Variants in NHS observed in about 807,000 individuals in gnomAD.
NHS encodes the protein actin remodeling regulator NHS.
In NHS, 5 loss-of-function variants were observed where a neutral mutation model predicts 72.5. That is an observed-to-expected ratio of 0.07 (90% CI 0.04 to 0.14). The LOEUF (loss-of-function observed/expected upper bound fraction) is 0.14. Among genes scored for constraint, NHS ranks in the 10% least tolerant of loss-of-function variants. The probability of loss-of-function intolerance (pLI) is 1.00; values close to 1 mark genes in which losing one functional copy is unlikely to be tolerated. For missense variants in NHS, 1,072 were observed against 1,355.7 expected (o/e 0.79, Z 3.29); for synonymous variants, 464 against 547.7 (o/e 0.85, Z 2.13).
chrX:17,446,653 G>T (rs1199656376), intron 1 of NHS, among the ~76,000 whole-genome samples: 2 of 98,636 alleles, frequency 2.0e-5, no homozygotes, highest in East Asian at 6.0e-4. Flanking sequence ...CAGCCTTTTT[G>T]CCCAAAAAAA....
intron 1 of NHS, among the ~76,000 whole-genome samples, chrX:17,527,298 G>A (rs2065177732): frequency 8.8e-6 from 1 of 113,272 alleles, no homozygotes; most frequent in African/African-American, 3.2e-5. Flanking sequence ...GATAAAGGTG[G>A]CACATAGCTT....
chrX:17,405,543 T>C (rs2064525267), intron 1 of NHS, among the ~76,000 whole-genome samples: 1 of 112,341 alleles, frequency 8.9e-6, no homozygotes, highest in African/African-American at 3.2e-5. Context: ...CGGATAATGA[T>C]AGAGAGAAGA....
Position 17,725,966 on chromosome X carries a change from C to A in NHS, c.1860C>A (p.His620Gln), listed in dbSNP as rs760355561. 8.3e-7 allele frequency: 1 copy of A among 1,211,834 alleles called. No homozygotes were observed. The highest frequency in any genetic ancestry group is 2.2e-5 in the Admixed American group (1 of 46,055). ...CGGCTGGCGTCCTCCTTAGCAGCCA[C>A]ATGGACCAGAAAGATGACCACCAGT... is the stretch of plus-strand genomic sequence containing the variant. ...ISTAGVLLSS[H>Q]MDQKDDHQSS... is the part of the protein sequence containing the mutation. Residue 620 changes from histidine to glutamine, a missense_variant, in exon 7 of 9, where the codon CAC becomes CAA. By Grantham distance (24) the His-to-Gln change is conservative. Coordinates refer to ENST00000676302, the MANE Select transcript of NHS (RefSeq NM_001291867.2).
At chrX:17,400,384 G>A (rs1199635939) in intron 1 of NHS, among the ~76,000 whole-genome samples, 1 of 111,337 alleles carries the variant, frequency 9.0e-6, no homozygotes, top group East Asian at 2.8e-4. Flanking sequence ...TCAGGATTTC[G>A]AGACCAGCCT....
intron 5 of NHS, 65 bp from the exon 6 acceptor site, chrX:17,724,234 G>A (rs2066427392): frequency 1.7e-6 from 2 of 1,192,243 alleles, no homozygotes; most frequent in African/African-American, 1.7e-5. Flanking sequence ...ATATCACTGT[G>A]TTCCAAGTAA....
Position 17,600,484 on chromosome X carries a change from A to G in NHS, c.566-87258A>G, listed in dbSNP as rs184025900. ...AAACAATATACGTTAATTTAAGACG[A>G]CGCCGTCAATTTAGTGGCATGTTTA... On this transcript the variant is annotated intron_variant, in intron 1 of 8. Transcript: ENST00000676302. 2.7e-5 allele frequency among the ~76,000 whole-genome samples: 3 copies of G among 112,448 alleles called. No homozygotes were observed. In the Admixed American group the frequency reaches 2.8e-4, roughly 11 times the overall value.
chrX:17,573,891 T>C, intron 1 of NHS, among the ~76,000 whole-genome samples: 1 of 112,089 alleles, frequency 8.9e-6, no homozygotes, highest in South Asian at 3.7e-4. Flanking sequence ...TTGATGTTGA[T>C]GCTATTCCTT....
At chrX:17,394,180 G>A (rs779043977) in intron 1 of NHS, among the ~76,000 whole-genome samples, 1 of 111,592 alleles carries the variant, frequency 9.0e-6, no homozygotes, top group South Asian at 3.8e-4. Context: ...TGTTTTGATT[G>A]AACGTTTAGT....
chrX:17,614,488 C>T (rs1370910208), intron 1 of NHS, among the ~76,000 whole-genome samples: 1 of 111,475 alleles, frequency 9.0e-6, no homozygotes, highest in Non-Finnish European at 1.9e-5. Flanking sequence ...CAAACCCTCT[C>T]ATAAGTTTGA....
chrX:17,606,840 G>A (rs111436869), intron 1 of NHS, among the ~76,000 whole-genome samples: 2,628 of 112,295 alleles, frequency 0.023, 73 homozygotes, highest in African/African-American at 0.081. Flanking sequence ...GCTGAGCTTG[G>A]CAGGAGGAGT....
intron 1 of NHS, among the ~76,000 whole-genome samples, chrX:17,468,213 A>T (rs2064877816): frequency 2.7e-5 from 3 of 111,646 alleles, no homozygotes; most frequent in Non-Finnish European, 3.8e-5. Flanking sequence ...TTAAAAAAAA[A>T]TGAGGAATGA....
In NHS at chrX:17,583,647, C is replaced by G. The variant is rs1388535478; in HGVS notation, c.566-104095C>G. Reference sequence around the variant, plus strand: ...AATTCCCTCAGCAGATAAGCAACTCCCGAAGGAAACGAAGGAAAGTCAGTC... The same window carrying G: ...AATTCCCTCAGCAGATAAGCAACTCGCGAAGGAAACGAAGGAAAGTCAGTC... On this transcript the variant is annotated intron_variant, in intron 1 of 8. Transcript: ENST00000676302. Among the ~76,000 whole-genome samples, 4 of 111,992 alleles carry G rather than the reference C, an allele frequency of 3.6e-5. No homozygotes were observed. The Admixed American group carries it at 3.8e-4, about 11-fold the overall frequency.
intron 3 of NHS, among the ~76,000 whole-genome samples, chrX:17,695,633 T>C (rs1451845608): frequency 9.0e-6 from 1 of 111,275 alleles, no homozygotes; most frequent in Non-Finnish European, 1.9e-5. Flanking sequence ...TGCCGTGGGA[T>C]ATTTTAAAAT....
chrX:17,486,000 A>G (rs2064966026), intron 1 of NHS, among the ~76,000 whole-genome samples: 1 of 111,586 alleles, frequency 9.0e-6, no homozygotes, highest in African/African-American at 3.3e-5. Flanking sequence ...ACAGGGCACA[A>G]CTTGGCTTCT....
Position 17,566,562 on chromosome X carries a change from C to T in NHS, c.566-121180C>T, listed in dbSNP as rs1043766139. 2.1e-4 allele frequency among the ~76,000 whole-genome samples: 23 copies of T among 111,372 alleles called. 1 individual carries two copies. Among genetic ancestry groups the T allele is most frequent in the Non-Finnish European group, 1.9e-5 (1 of 53,060 alleles). The stretch of plus-strand genomic sequence containing the variant: ...CTCAGTAAATTTATGGACCAATGAA[C>T]GAATGAGTAAATGAATGAATTATGG... On this transcript the variant is annotated intron_variant, in intron 1 of 8. Coordinates refer to ENST00000676302, the MANE Select transcript of NHS (RefSeq NM_001291867.2).
intron 1 of NHS, among the ~76,000 whole-genome samples, chrX:17,383,918 C>T (rs749366211): frequency 3.6e-5 from 4 of 111,736 alleles, no homozygotes; most frequent in African/African-American, 1.3e-4. Context: ...GAAGACATAC[C>T]CCCTAAATTT....
At chrX:17,618,863 T>C (rs987808221) in intron 1 of NHS, among the ~76,000 whole-genome samples, 1 of 112,399 alleles carries the variant, frequency 8.9e-6, no homozygotes, top group Admixed American at 9.5e-5. Context: ...ATTTAAGACT[T>C]AACTTGAAGT....
chrX:17,587,495 A>G (rs2065581532), intron 1 of NHS, among the ~76,000 whole-genome samples: 1 of 112,436 alleles, frequency 8.9e-6, no homozygotes, highest in Non-Finnish European at 1.9e-5. Flanking sequence ...TCCTTTTGTG[A>G]CATTTTTCAA....
intron 1 of NHS, among the ~76,000 whole-genome samples, chrX:17,637,073 A>G (rs1280079506): frequency 8.9e-6 from 1 of 111,852 alleles, no homozygotes; most frequent in African/African-American, 3.3e-5. Flanking sequence ...GTGCAGCCGT[A>G]AGAAGTAAGA....
Sources: gnomAD v4.1 joint callset for allele counts (sites outside exome capture counted in the v4.1 genomes callset) on GRCh38, gnomAD v4.1.1 for gene constraint, MANE v1.5 for transcripts, NCBI Gene and HGNC (gene_info 2026-07-23, HGNC 2026-07-21) for gene names.